RBFOX1: variants seen among roughly 807,000 people sequenced by gnomAD.
RBFOX1 encodes the protein RNA binding fox-1 homolog 1.
A neutral mutation model predicts 57.7 loss-of-function variants in RBFOX1; 8 were observed. The observed-to-expected ratio is 0.14, with a 90% CI of 0.08 to 0.25. The LOEUF (loss-of-function observed/expected upper bound fraction) is 0.25, where lower values mean the gene tolerates loss of function less well. RBFOX1 is among the 10% of genes least tolerant of loss of function. The pLI is 1.00. For synonymous variants in RBFOX1, 326 were observed against 222.4 expected (o/e 1.47, Z -4.15); for missense variants, 611 against 548.5 (o/e 1.11, Z -1.14).
chr16:7,206,842 T>G (rs1208016970), intron 4 of RBFOX1, among the ~76,000 whole-genome samples: 1 of 152,006 alleles, frequency 6.6e-6, no homozygotes, highest in Non-Finnish European at 1.5e-5. Context: ...CAATCAATTC[T>G]CTTCTTATCA....
chr16:5,744,063 T>C (rs2052880591), intron 3 of RBFOX1, among the ~76,000 whole-genome samples: 2 of 152,138 alleles, frequency 1.3e-5, no homozygotes, highest in Non-Finnish European at 2.9e-5. Flanking sequence ...AGGTCTGGGC[T>C]GGGAAGTGCT....
intron 3 of RBFOX1, among the ~76,000 whole-genome samples, chr16:5,740,410 G>A (rs142958934): frequency 1.4e-4 from 21 of 152,328 alleles, no homozygotes; most frequent in Middle Eastern, 3.4e-3. Flanking sequence ...CAGCTAGTGC[G>A]TATGAAGACT....
chr16:5,877,955 G>C (rs1212366645), intron 4 of RBFOX1, among the ~76,000 whole-genome samples: 1 of 152,186 alleles, frequency 6.6e-6, no homozygotes, highest in Non-Finnish European at 1.5e-5. Flanking sequence ...ATTTGGTCCA[G>C]TGTCTCGGCT....
In RBFOX1 at chr16:7,670,370, T is replaced by C. The variant is rs555119600; in HGVS notation, c.930+5402T>C. 3.5e-4 allele frequency among the ~76,000 whole-genome samples: 53 copies of C among 152,268 alleles called. 1 individual carries two copies. The highest frequency in any genetic ancestry group is 1.3e-3 in the African/African-American group (53 of 41,548). On this transcript the variant is annotated intron_variant, in intron 13 of 15. Coordinates refer to ENST00000550418, the MANE Select transcript of RBFOX1 (RefSeq NM_018723.4). Reference sequence around the variant, plus strand: ...TTTTTCCAGAAAAAAAGAAAATAATTTGTCCAAAAATCTTCAGACACTGGG... The same window carrying C: ...TTTTTCCAGAAAAAAAGAAAATAATCTGTCCAAAAATCTTCAGACACTGGG...
intron 3 of RBFOX1, among the ~76,000 whole-genome samples, chr16:6,902,124 G>A (rs1256712971): frequency 2.0e-5 from 3 of 152,066 alleles, no homozygotes; most frequent in Non-Finnish European, 4.4e-5. Flanking sequence ...CTTGAAACCA[G>A]GAGTGCTGGA....
chr16:6,638,110 C>G (rs1306639252), intron 2 of RBFOX1, among the ~76,000 whole-genome samples: 1 of 152,032 alleles, frequency 6.6e-6, no homozygotes, highest in Non-Finnish European at 1.5e-5. Flanking sequence ...TGTTGTAGGC[C>G]TGCCATTGTA....
rs189900783 is a variant in RBFOX1 at position 7,149,447 on chromosome 16, C to G, written c.27+97349C>G. 2.4e-4 allele frequency among the ~76,000 whole-genome samples: 37 copies of G among 151,344 alleles called. 1 individual carries two copies. The highest frequency in any genetic ancestry group is 8.8e-5 in the Non-Finnish European group (6 of 67,876). On this transcript the variant is annotated intron_variant, in intron 4 of 15. Transcript: ENST00000550418. The stretch of plus-strand genomic sequence containing the variant: ...ACTGTCTTTCATGGATTGGTGCAAG[C>G]TTCCTGTGGCTCTTTCTTTTTCTTT...
intron 2 of RBFOX1, among the ~76,000 whole-genome samples, chr16:6,487,700 AATATATATATATATATATATATATATAT>A (rs1277585706): frequency 6.1e-5 from 1 of 16,286 alleles, no homozygotes; most frequent in Non-Finnish European, 1.0e-4. Context: ...AAAAAAAAAA[AATATATATATATATATATATATATATAT>A]ATATATATAT....
intron 2 of RBFOX1, among the ~76,000 whole-genome samples, chr16:6,340,601 T>G (rs899205734): frequency 1.3e-5 from 2 of 152,184 alleles, no homozygotes; most frequent in Admixed American, 1.3e-4. Flanking sequence ...ATTTGTAAAC[T>G]GTCATGGCAC....
intron 1 of RBFOX1, among the ~76,000 whole-genome samples, chr16:6,176,387 G>A (rs1437236457): frequency 7.2e-6 from 1 of 138,450 alleles, no homozygotes; most frequent in Non-Finnish European, 1.5e-5. Context: ...TCAAACTCCT[G>A]ACCTCAGGTC....
At chr16:6,283,106 C>T (rs537952903) in intron 1 of RBFOX1, among the ~76,000 whole-genome samples, 42 of 152,270 alleles carry the variant, frequency 2.8e-4, no homozygotes, top group African/African-American at 8.7e-4. Context: ...GCAGGAGGAT[C>T]ACTTGAGCTC....
At chr16:7,613,812 A>G (rs901684925) in intron 10 of RBFOX1, among the ~76,000 whole-genome samples, 1 of 152,004 alleles carries the variant, frequency 6.6e-6, no homozygotes, top group East Asian at 1.9e-4. Flanking sequence ...TTCCCTTCCT[A>G]CAATTTGGAT....
At chr16:6,284,370 C>G (rs1341552791) in intron 1 of RBFOX1, among the ~76,000 whole-genome samples, 1 of 152,118 alleles carries the variant, frequency 6.6e-6, no homozygotes, top group Non-Finnish European at 1.5e-5. Flanking sequence ...TGCTGGTAAG[C>G]TGCCGATATT....
At chr16:7,544,613 G>C (rs571161427) in intron 5 of RBFOX1, among the ~76,000 whole-genome samples, 1 of 152,166 alleles carries the variant, frequency 6.6e-6, no homozygotes, top group Admixed American at 6.5e-5. Context: ...AAGCAAGGAC[G>C]GACTCTCCTT....
chr16:7,114,891 A>T (rs769861972), intron 4 of RBFOX1, among the ~76,000 whole-genome samples: 11 of 152,178 alleles, frequency 7.2e-5, no homozygotes, highest in Non-Finnish European at 1.3e-4. Context: ...CTTGTCTTAG[A>T]GCAAACCAAA....
At chr16:6,395,921 C>T (rs1255012491) in intron 2 of RBFOX1, among the ~76,000 whole-genome samples, 1 of 151,834 alleles carries the variant, frequency 6.6e-6, no homozygotes, top group Non-Finnish European at 1.5e-5. Flanking sequence ...AAAAAATTAG[C>T]TGGTCATGGT....
intron 3 of RBFOX1, among the ~76,000 whole-genome samples, chr16:6,812,497 C>G (rs2088949130): frequency 6.6e-6 from 1 of 152,046 alleles, no homozygotes; most frequent in Admixed American, 6.6e-5. Context: ...CCATAGCCTA[C>G]TGAGTAGCTG....
intron 3 of RBFOX1, among the ~76,000 whole-genome samples, chr16:5,843,087 A>G (rs1225382052): frequency 6.6e-6 from 1 of 152,110 alleles, no homozygotes; most frequent in East Asian, 1.9e-4. Flanking sequence ...TTGGCCTCCC[A>G]AAGTGCTGGG....
At chr16:6,093,021 T>C (rs921930370) in intron 1 of RBFOX1, 1 of 152,188 alleles carries the variant, frequency 6.6e-6, no homozygotes, top group Non-Finnish European at 1.5e-5. Context: ...TGAGATGCAA[T>C]TTACCTGTAT....
Sources: allele counts gnomAD v4.1 joint callset (sites outside exome capture counted in the v4.1 genomes callset), GRCh38; gene constraint gnomAD v4.1.1; transcripts MANE v1.5; gene names NCBI Gene and HGNC (gene_info 2026-07-23, HGNC 2026-07-21).